Variants in VRK2 observed in about 807,000 individuals in gnomAD.
The protein encoded by VRK2 is VRK serine/threonine kinase 2.
Under a neutral mutation model 57.6 loss-of-function variants are expected in VRK2, and 60 were observed. The observed-to-expected ratio is 1.04, with a 90% CI of 0.85 to 1.29. The LOEUF is 1.29. Among genes scored for constraint, VRK2 ranks in the 50% most tolerant of loss-of-function variants. The pLI is 0.00. For synonymous variants in VRK2, 231 were observed against 199.2 expected (o/e 1.16, Z -1.35); for missense variants, 705 against 588.1 (o/e 1.20, Z -2.06).
intron 7 of VRK2, among the ~76,000 whole-genome samples, chr2:58,096,661 A>G (rs1673180380): frequency 1.3e-5 from 2 of 151,986 alleles, no homozygotes; most frequent in South Asian, 4.1e-4. Context: ...ATTTTTCAAC[A>G]AAGTTCAATT....
chr2:57,942,228 C>T lies in VRK2; in HGVS notation c.-439+34389C>T, dbSNP rs567497417. On this transcript the variant is annotated intron_variant, in intron 1 of 15. Transcript: ENST00000417641. ...AGAAAATGTGTTTTACTGACTCATT[C>T]TGATGCTTCTATTGTCTTCTGTACA... is the stretch of plus-strand genomic sequence containing the variant. Among the ~76,000 whole-genome samples the T allele has an allele frequency of 8.5e-5, 13 of 152,280 alleles. No individual in the cohort carries two copies. The South Asian group carries it at 2.7e-3, about 32-fold the overall frequency.
chr2:58,079,111 G>T (rs1395692422), intron 2 of VRK2, among the ~76,000 whole-genome samples: 1 of 152,124 alleles, frequency 6.6e-6, no homozygotes, highest in Admixed American at 6.6e-5. Context: ...TTTGTAGAAT[G>T]TCCTTCAATT....
In VRK2 at chr2:57,979,064, A is replaced by T. The variant is rs148059717; in HGVS notation, c.-438-46601A>T. On this transcript the variant is annotated intron_variant, in intron 1 of 15. Coordinates refer to the VRK2 transcript ENST00000417641. ...CCATGTTTTCTTTATCCAGTCTATC[A>T]TTGATGGGCATTTGGGTTGGTTCCA... 5.9e-3 allele frequency among the ~76,000 whole-genome samples: 886 copies of T among 151,182 alleles called. 12 individuals are homozygous for T. Among genetic ancestry groups the T allele is most frequent in the South Asian group, 0.022 (108 of 4,820 alleles).
rs535099891 is a variant in VRK2, at chr2:57,947,869, C to G, written c.-439+40030C>G. On this transcript the variant is annotated intron_variant, in intron 1 of 15. Coordinates refer to the VRK2 transcript ENST00000417641. Reference sequence around the variant, plus strand: ...CTCGTAACATTCCTATACACTTTTCCTTTTCTCTCTCTTTCTCTTCAGCGA... The same window carrying G: ...CTCGTAACATTCCTATACACTTTTCGTTTTCTCTCTCTTTCTCTTCAGCGA... 3.9e-5 allele frequency among the ~76,000 whole-genome samples: 6 copies of G among 152,264 alleles called. No homozygotes were observed. The South Asian group carries it at 1.2e-3, about 32-fold the overall frequency.
intron 1 of VRK2, among the ~76,000 whole-genome samples, chr2:57,932,230 T>C (rs1191253991): frequency 1.3e-5 from 2 of 152,164 alleles, no homozygotes; most frequent in East Asian, 3.8e-4. Context: ...AAACTAGTAG[T>C]GTTCCCTCCT....
chr2:58,048,898 G>C lies in VRK2; in HGVS notation c.67G>C (p.Asp23His). 6.2e-7 allele frequency: 1 copy of C among 1,614,040 alleles called. No individual in the cohort carries two copies. Among genetic ancestry groups the C allele is most frequent in the Non-Finnish European group, 8.5e-7 (1 of 1,179,956 alleles). Residue 23 changes from aspartate to histidine, a missense_variant, in exon 2 of 13, where the codon GAT (aspartate) becomes CAT (histidine). Asp to His is a moderately conservative substitution (Grantham distance 81). Transcript: ENST00000340157. The stretch of plus-strand genomic sequence containing the variant: ...ATTTCCAGAAGGCAAGGTTCTGGAT[G>C]ATATGGAAGGCAATCAGTGGGTACT... ...IPFPEGKVLDDMEGNQWVLGK... is the reference protein window; with the variant it reads ...IPFPEGKVLDHMEGNQWVLGK...
At chr2:58,157,582 G>T (rs1288195318) in intron 12 of VRK2, among the ~76,000 whole-genome samples, 1 of 152,126 alleles carries the variant, frequency 6.6e-6, no homozygotes, top group African/African-American at 2.4e-5. Flanking sequence ...TACTCAAAGT[G>T]GGGTGTGCAG....
At chr2:58,047,940 C>A (rs1675108978) in intron 1 of VRK2, among the ~76,000 whole-genome samples, 1 of 152,166 alleles carries the variant, frequency 6.6e-6, no homozygotes, top group Non-Finnish European at 1.5e-5. Flanking sequence ...AATTAACTTT[C>A]ATGTCAGAAA....
intron 9 of VRK2, among the ~76,000 whole-genome samples, chr2:58,134,350 G>T (rs1270463571): frequency 6.6e-6 from 1 of 152,002 alleles, no homozygotes; most frequent in Non-Finnish European, 1.5e-5. Context: ...GGTGGCTCAC[G>T]CCTGTAATCC....
At chr2:58,101,278 C>A (rs1217512507) in intron 7 of VRK2, among the ~76,000 whole-genome samples, 1 of 151,554 alleles carries the variant, frequency 6.6e-6, no homozygotes, top group Non-Finnish European at 1.5e-5. Flanking sequence ...TTTAAACATA[C>A]TGAAAAATAG....
In VRK2 at chr2:58,093,157, A is replaced by G. The variant is rs1672615919; in HGVS notation, c.543+3434A>G. On this transcript the variant is annotated intron_variant, in intron 7 of 12. Coordinates refer to ENST00000340157, the MANE Select transcript of VRK2 (RefSeq NM_006296.7). The stretch of plus-strand genomic sequence containing the variant: ...ATGTGTCTTTATAGCAGCATGATTT[A>G]TAATCCTTTGAGTATATACCCAGTA... Among the ~76,000 whole-genome samples, 6 of 152,356 alleles carry G rather than the reference A, an allele frequency of 3.9e-5. No homozygotes were observed. In the South Asian group the frequency reaches 1.2e-3, roughly 32 times the overall value.
rs753065395 is a variant in VRK2, at chr2:58,159,389, A to G, written c.1223A>G (p.Glu408Gly). 3.7e-6 allele frequency: 6 copies of G among 1,612,736 alleles called. No homozygotes were observed. The Admixed American group carries it at 8.4e-5, about 22-fold the overall frequency. The change falls in exon 13 of 13, where the codon GAA becomes GGA. Residue 408 changes from glutamate to glycine, a missense_variant. Glu to Gly is a moderately conservative substitution (Grantham distance 98). Transcript: ENST00000340157. ...AGACAGAAATATCAAGAGTCTCAAG[A>G]ACCTTTGAATGAAGTAAACAGTTTC... ...RRRQKYQESQ[E>G]PLNEVNSFPQ...
chr2:58,024,097 T>C (rs1054979828), intron 1 of VRK2, among the ~76,000 whole-genome samples: 1 of 151,896 alleles, frequency 6.6e-6, no homozygotes, highest in African/African-American at 2.4e-5. Flanking sequence ...GTCATTCTCC[T>C]GTCTCAGCCT....
intron 1 of VRK2, among the ~76,000 whole-genome samples, chr2:57,970,286 G>A (rs1672056631): frequency 6.6e-6 from 1 of 150,504 alleles, no homozygotes; most frequent in East Asian, 1.9e-4. Flanking sequence ...TTTTCCCCAA[G>A]TCAGAATTTT....
At chr2:58,058,465 T>G in intron 2 of VRK2, 1 of 467,894 alleles carries the variant, frequency 2.1e-6, no homozygotes, top group Admixed American at 2.4e-5. Flanking sequence ...AAGAGGCGCA[T>G]AGAGAACATA....
chr2:57,939,046 G>A (rs970941), intron 1 of VRK2, among the ~76,000 whole-genome samples: 96,812 of 151,966 alleles, frequency 0.64, 30,994 homozygotes, highest in African/African-American at 0.72. Flanking sequence ...CTGAAACTAT[G>A]TTTGAAGAGG....
chr2:58,077,174 T>C (rs912729864), intron 2 of VRK2, among the ~76,000 whole-genome samples: 6 of 152,058 alleles, frequency 3.9e-5, no homozygotes, highest in African/African-American at 1.4e-4. Flanking sequence ...CTCTTTTTTT[T>C]CTCCTCTAAA....
At chr2:58,110,022 C>G (rs1171802439) in intron 7 of VRK2, among the ~76,000 whole-genome samples, 1 of 152,172 alleles carries the variant, frequency 6.6e-6, no homozygotes, top group African/African-American at 2.4e-5. Flanking sequence ...ACAGGCTTAA[C>G]TAAGTGTAGA....
chr2:58,156,022 T>A (rs1048599530), intron 12 of VRK2, among the ~76,000 whole-genome samples: 2 of 147,958 alleles, frequency 1.4e-5, no homozygotes, highest in Admixed American at 6.7e-5. Flanking sequence ...ACATGGCGGG[T>A]GGAGACTCAA....
Sources: allele counts gnomAD v4.1 joint callset (sites outside exome capture counted in the v4.1 genomes callset), GRCh38; gene constraint gnomAD v4.1.1; transcripts MANE v1.5; gene names NCBI Gene and HGNC (gene_info 2026-07-23, HGNC 2026-07-21).